The following CCDC91 variants were observed in gnomAD, a reference collection of about 807,000 sequenced individuals.
The protein encoded by CCDC91 is coiled-coil domain-containing protein 91.
CCDC91 carries 48 observed loss-of-function variants against 63.2 expected under a neutral mutation model. That is an observed-to-expected ratio of 0.76 (90% CI 0.60 to 0.97). The LOEUF is 0.97. Among genes scored for constraint, CCDC91 ranks in the 50% least tolerant of loss-of-function variants. CCDC91 has a pLI of 0.00. For synonymous variants in CCDC91, 167 were observed against 165.8 expected, an observed-to-expected ratio of 1.01 and a Z score of -0.06; for missense variants, 500 against 494.6, an observed-to-expected ratio of 1.01 and a Z score of -0.10.
At chr12:28,417,111 A>G (rs1947709973) in intron 8 of CCDC91, among the ~76,000 whole-genome samples, 1 of 152,034 alleles carries the variant, frequency 6.6e-6, no homozygotes, top group Admixed American at 6.6e-5. Context: ...GAACTTCTAG[A>G]TTTTGGGCCT....
At chr12:28,486,267 G>A (rs779110400) in intron 12 of CCDC91, among the ~76,000 whole-genome samples, 15 of 152,126 alleles carry the variant, frequency 9.9e-5, no homozygotes, top group Non-Finnish European at 1.3e-4. Context: ...TTCACTTAGC[G>A]TAATGCCCTC....
chr12:28,477,806 T>C (rs1459083323), intron 11 of CCDC91, among the ~76,000 whole-genome samples: 1 of 152,048 alleles, frequency 6.6e-6, no homozygotes, highest in Admixed American at 6.6e-5. Context: ...ACAAGCACTC[T>C]TATACACCAA....
chr12:28,491,881 G>GTA (rs1445332672), intron 12 of CCDC91, among the ~76,000 whole-genome samples: 3 of 150,528 alleles, frequency 2.0e-5, no homozygotes, highest in Non-Finnish European at 4.4e-5. Flanking sequence ...GTGTGTGTGT[G>GTA]TGTGTGTGTG....
chr12:28,295,158 C>CA (rs2136884462), intron 3 of CCDC91, among the ~76,000 whole-genome samples: 1 of 152,158 alleles, frequency 6.6e-6, no homozygotes, highest in Admixed American at 6.5e-5. Flanking sequence ...CCTCCATTTG[C>CA]AATTTATTTC....
intron 8 of CCDC91, chr12:28,412,617 A>G (rs1592596989): frequency 5.4e-6 from 2 of 373,322 alleles, no homozygotes; most frequent in Non-Finnish European, 5.3e-6. Context: ...GAGAGGTAGC[A>G]GGGCTTATTT....
chr12:28,347,833 T>C (rs1942916601), intron 6 of CCDC91, among the ~76,000 whole-genome samples: 1 of 152,182 alleles, frequency 6.6e-6, no homozygotes, highest in Admixed American at 6.5e-5. Context: ...AGTGTATTTC[T>C]CCCTTGGCAA....
At chr12:28,417,640 T>TATACAC (rs57507827) in intron 8 of CCDC91, among the ~76,000 whole-genome samples, 53 of 112,150 alleles carry the variant, frequency 4.7e-4, no homozygotes, top group East Asian at 1.9e-3. Context: ...TATATATATA[T>TATACAC]ACACACACAC....
intron 1 of CCDC91, among the ~76,000 whole-genome samples, chr12:28,199,787 T>G (rs1942068026): frequency 6.6e-6 from 1 of 152,202 alleles, no homozygotes; most frequent in Non-Finnish European, 1.5e-5. Flanking sequence ...GCCTCCGTGG[T>G]TTTTAGTGAG....
chr12:28,453,327 G>T (rs1949905022), intron 11 of CCDC91, among the ~76,000 whole-genome samples: 1 of 151,796 alleles, frequency 6.6e-6, no homozygotes, highest in Non-Finnish European at 1.5e-5. Context: ...CTTCCCTTAA[G>T]TATCAAAAGC....
chr12:28,354,069 G>A (rs956168828), intron 6 of CCDC91, among the ~76,000 whole-genome samples: 57 of 152,190 alleles, frequency 3.7e-4, no homozygotes, highest in African/African-American at 1.3e-3. Context: ...AAAAAATGCA[G>A]TATCTGTGAA....
intron 8 of CCDC91, among the ~76,000 whole-genome samples, chr12:28,447,298 T>C (rs1181652365): frequency 6.6e-6 from 1 of 151,844 alleles, no homozygotes; most frequent in Non-Finnish European, 1.5e-5. Context: ...TTCCAAAAGG[T>C]TACAGAATAC....
chr12:28,255,780 G>A (rs1409015559), intron 1 of CCDC91: 1 of 152,000 alleles, frequency 6.6e-6, no homozygotes, highest in African/African-American at 2.4e-5. Context: ...GAGTTTCTGT[G>A]AAAAGAATTT....
chr12:28,326,628 C>T (rs1941034978), intron 6 of CCDC91, among the ~76,000 whole-genome samples: 1 of 145,768 alleles, frequency 6.9e-6, no homozygotes, highest in Non-Finnish European at 1.5e-5. Flanking sequence ...TCAGTTCCCA[C>T]CTATGAGTGA....
chr12:28,215,350 TTATTTA>T (rs1443486675), intron 1 of CCDC91, among the ~76,000 whole-genome samples: 1 of 152,164 alleles, frequency 6.6e-6, no homozygotes, highest in African/African-American at 2.4e-5. Context: ...GTTTCTCTCT[TTATTTA>T]TATACACACA....
intron 12 of CCDC91, among the ~76,000 whole-genome samples, chr12:28,523,310 T>C (rs542862187): frequency 1.3e-5 from 2 of 152,330 alleles, no homozygotes; most frequent in African/African-American, 4.8e-5. Context: ...GTTGAATTGA[T>C]CCCTTTACCA....
At chr12:28,417,179 G>A (rs1393185790) in intron 8 of CCDC91, among the ~76,000 whole-genome samples, 1 of 151,542 alleles carries the variant, frequency 6.6e-6, no homozygotes, top group African/African-American at 2.4e-5. Flanking sequence ...GTGGTTATTG[G>A]GTTTCCTTTT....
At chr12:28,486,173 C>T (rs1951715046) in intron 12 of CCDC91, among the ~76,000 whole-genome samples, 1 of 152,160 alleles carries the variant, frequency 6.6e-6, no homozygotes, top group South Asian at 2.1e-4. Flanking sequence ...TCCACCAGTC[C>T]ACTCTGATTC....
intron 6 of CCDC91, 117 bp downstream of exon 6, chr12:28,307,866 A>G (rs1189058028): frequency 4.7e-6 from 3 of 638,410 alleles, no homozygotes; most frequent in Non-Finnish European, 8.2e-6. Context: ...TTGCTTAAAT[A>G]TATAAAACTG....
chr12:28,452,318 T>C (rs1949844242), intron 10 of CCDC91, among the ~76,000 whole-genome samples, 160 bp from the exon 11 acceptor site: 1 of 151,658 alleles, frequency 6.6e-6, no homozygotes, highest in African/African-American at 2.4e-5. Flanking sequence ...GAATAATAGA[T>C]TTTATTTTGT....
Sources: gnomAD v4.1 joint callset for allele counts (sites outside exome capture counted in the v4.1 genomes callset) on GRCh38, gnomAD v4.1.1 for gene constraint, MANE v1.5 for transcripts, NCBI Gene and HGNC (gene_info 2026-07-23, HGNC 2026-07-21) for gene names.